The following AGFG1 variants were observed in gnomAD, a reference collection of about 807,000 sequenced individuals.
AGFG1 encodes the protein arf-GAP domain and FG repeat-containing protein 1.
In AGFG1, 10 loss-of-function variants were observed where a neutral mutation model predicts 60.6. That is an observed-to-expected ratio of 0.16 (90% CI 0.10 to 0.28). AGFG1 has a LOEUF of 0.28. Among genes scored for constraint, AGFG1 ranks in the 10% least tolerant of loss-of-function variants. The pLI is 1.00. For synonymous variants in AGFG1, 247 were observed against 242.9 expected, an observed-to-expected ratio of 1.02 and a Z score of -0.16; for missense variants, 537 against 676.5, an observed-to-expected ratio of 0.79 and a Z score of 2.29.
At chr2:227,541,987 GCT>G (rs1268722186) in intron 10 of AGFG1, among the ~76,000 whole-genome samples, 2 of 152,078 alleles carry the variant, frequency 1.3e-5, no homozygotes. Flanking sequence ...TCATGATTTG[GCT>G]CTCTGTCTGT....
chr2:227,534,521 T>C (rs1368364523), intron 7 of AGFG1, among the ~76,000 whole-genome samples: 1 of 152,220 alleles, frequency 6.6e-6, no homozygotes, highest in Non-Finnish European at 1.5e-5. Flanking sequence ...TGAATTTATA[T>C]GTTCATGTGA....
intron 2 of AGFG1, chr2:227,510,741 G>A (rs926845239): frequency 6.6e-6 from 1 of 152,188 alleles, no homozygotes; most frequent in African/African-American, 2.4e-5. Flanking sequence ...CAGTTCTGAT[G>A]TTAGAGACCT....
At position 227,548,689 on chromosome 2, in the gene AGFG1, G is replaced by A. The variant is rs927573815; in HGVS notation, c.1379-3270G>A. On this transcript the variant is annotated intron_variant, in intron 10 of 12. Coordinates refer to ENST00000310078, the MANE Select transcript of AGFG1 (RefSeq NM_004504.5). ...GCAGTGGCTCACGCCTGTAATCCCA[G>A]CACTTTGGGAGGCCGAGGCAGGCGG... 3.9e-5 allele frequency among the ~76,000 whole-genome samples: 6 copies of A among 152,284 alleles called. No homozygotes were observed. In the East Asian group the frequency reaches 7.7e-4, roughly 20 times the overall value.
chr2:227,546,350 A>G (rs535825515), intron 10 of AGFG1, among the ~76,000 whole-genome samples: 1 of 152,344 alleles, frequency 6.6e-6, no homozygotes, highest in Admixed American at 6.5e-5. Flanking sequence ...AAAGTGCAGT[A>G]TTAGGGCGGG....
At position 227,472,388 on chromosome 2, in the gene AGFG1, G is replaced by T; in HGVS notation, c.-34G>T. The T allele has an allele frequency of 7.4e-7, 1 of 1,343,754 alleles. No homozygotes were observed. The allele number at this position is 1,343,754 out of a possible 1,614,324, so 83.2% of individuals were successfully genotyped here. The stretch of plus-strand genomic sequence containing the variant: ...CCCGGCGCAGCGCTGCCCGGCTCCC[G>T]GCCCTGCCGGCCTCCTCCCTTGGCG... On this transcript the variant is annotated 5_prime_UTR_variant, in exon 1 of 13. Coordinates refer to ENST00000310078, the MANE Select transcript of AGFG1 (RefSeq NM_004504.5).
intron 5 of AGFG1, 56 bp from the exon 6 acceptor site, chr2:227,531,035 A>G (rs920059541): frequency 6.8e-7 from 1 of 1,472,860 alleles, no homozygotes; most frequent in African/African-American, 1.4e-5. Context: ...TGTGTCATGT[A>G]TTTTCATTTA....
In AGFG1 at chr2:227,541,556, AT is replaced by A. The variant is rs1692492799; in HGVS notation, c.1378+4566del. On this transcript the variant is annotated intron_variant, in intron 10 of 12. Transcript: ENST00000310078. ...TCTGTTCTGTTCCATTGGTCTATATATTTGTTTTGGTACCAGTACCATGCTG... is the reference window on the plus strand; with the variant it reads ...TCTGTTCTGTTCCATTGGTCTATATATTGTTTTGGTACCAGTACCATGCTG... Among the ~76,000 whole-genome samples the A allele has an allele frequency of 2.0e-5, 3 of 152,046 alleles. No individual in the cohort carries two copies. The South Asian group carries it at 6.3e-4, about 32-fold the overall frequency.
intron 2 of AGFG1, among the ~76,000 whole-genome samples, chr2:227,499,682 T>C (rs905907436): frequency 2.6e-5 from 4 of 151,252 alleles, no homozygotes; most frequent in African/African-American, 9.7e-5. Context: ...GGAGGCTAGA[T>C]GGATCACAGT....
chr2:227,531,474 C>G (rs1453922282), intron 6 of AGFG1, among the ~76,000 whole-genome samples: 1 of 150,724 alleles, frequency 6.6e-6, no homozygotes, highest in Non-Finnish European at 1.5e-5. Context: ...ATCTACCATG[C>G]ACACAGGACA....
At chr2:227,515,442 A>T (rs1691622339) in intron 2 of AGFG1, among the ~76,000 whole-genome samples, 1 of 152,040 alleles carries the variant, frequency 6.6e-6, no homozygotes, top group East Asian at 1.9e-4. Flanking sequence ...TTCCTGGCTT[A>T]CTCTAATACT....
chr2:227,505,854 C>T (rs1340283304), intron 2 of AGFG1, among the ~76,000 whole-genome samples: 1 of 152,268 alleles, frequency 6.6e-6, no homozygotes, highest in East Asian at 1.9e-4. Context: ...TTCTCTGCCT[C>T]AGCCTCCCGA....
At chr2:227,484,477 C>T (rs2106160135) in intron 1 of AGFG1, among the ~76,000 whole-genome samples, 2 of 152,208 alleles carry the variant, frequency 1.3e-5, no homozygotes, top group East Asian at 3.9e-4. Context: ...CCGCGCCTGG[C>T]TCATTTAAGT....
chr2:227,508,898 T>A (rs559505856), intron 2 of AGFG1, among the ~76,000 whole-genome samples: 7 of 152,262 alleles, frequency 4.6e-5, no homozygotes, highest in South Asian at 2.1e-4. Flanking sequence ...ATGTGGATGA[T>A]CTTGTAAAAC....
At chr2:227,508,530 A>C (rs1160949285) in intron 2 of AGFG1, 1 of 445,720 alleles carries the variant, frequency 2.2e-6, no homozygotes, top group African/African-American at 2.1e-5. Flanking sequence ...CTGTGTGTAC[A>C]TCTATATGTG....
At chr2:227,535,981 A>G (rs1692297006) in intron 8 of AGFG1, among the ~76,000 whole-genome samples, 1 of 152,012 alleles carries the variant, frequency 6.6e-6, no homozygotes, top group Non-Finnish European at 1.5e-5. Context: ...ATTTGCATTG[A>G]TGGTGTGAAA....
intron 2 of AGFG1, among the ~76,000 whole-genome samples, chr2:227,517,020 G>A (rs1691670310): frequency 1.3e-5 from 2 of 152,166 alleles, no homozygotes; most frequent in Admixed American, 6.5e-5. Context: ...TCTGCCTGAG[G>A]AGAGTCCCAT....
Position 227,493,704 on chromosome 2 carries a change from G to A in AGFG1, c.261+2064G>A, listed in dbSNP as rs559915702. Reference sequence around the variant, plus strand: ...CCATGACAATCACTGTCACTGTGCTGGGTATTAGGGATGTGGTTATAGATG... The same window carrying A: ...CCATGACAATCACTGTCACTGTGCTAGGTATTAGGGATGTGGTTATAGATG... On this transcript the variant is annotated intron_variant, in intron 2 of 12. Coordinates refer to ENST00000310078, the MANE Select transcript of AGFG1 (RefSeq NM_004504.5). Among the ~76,000 whole-genome samples the A allele has an allele frequency of 1.3e-3, 204 of 152,310 alleles. 2 individuals are homozygous for A. Among genetic ancestry groups the A allele is most frequent in the African/African-American group, 4.5e-3 (187 of 41,570 alleles).
chr2:227,514,920 GTATT>G (rs796130938), intron 2 of AGFG1, among the ~76,000 whole-genome samples: 1 of 151,956 alleles, frequency 6.6e-6, no homozygotes, highest in Non-Finnish European at 1.5e-5. Context: ...CCCTCATTCA[GTATT>G]TATTTATTTA....
chr2:227,473,862 A>AT (rs1048112214), intron 1 of AGFG1, among the ~76,000 whole-genome samples: 7 of 151,858 alleles, frequency 4.6e-5, no homozygotes, highest in African/African-American at 7.3e-5. Flanking sequence ...TTCAGCAGAC[A>AT]TTTTTTTTGG....
Sources: allele counts gnomAD v4.1 joint callset (sites outside exome capture counted in the v4.1 genomes callset), GRCh38; gene constraint gnomAD v4.1.1; transcripts MANE v1.5; gene names NCBI Gene and HGNC (gene_info 2026-07-23, HGNC 2026-07-21).